The following STARD13 variants were observed in gnomAD, a reference collection of about 807,000 sequenced individuals.
STARD13 encodes StAR related lipid transfer domain containing 13, also known as stAR-related lipid transfer protein 13.
A neutral mutation model predicts 106.4 loss-of-function variants in STARD13; 62 were observed. The ratio of observed to expected loss-of-function variants is 0.58; its 90% CI spans 0.48 to 0.72. The LOEUF (loss-of-function observed/expected upper bound fraction) is 0.72. STARD13 is among the 30% of genes least tolerant of loss of function. The probability of loss-of-function intolerance (pLI) is 0.00; values close to 1 mark genes in which losing one functional copy is unlikely to be tolerated. For missense variants in STARD13, 1,387 were observed against 1,424.0 expected (o/e 0.97, Z 0.42); for synonymous variants, 565 against 553.0 (o/e 1.02, Z -0.31).
Position 33,167,535 on chromosome 13 carries a change from C to A in STARD13, c.241+16G>T, listed in dbSNP as rs76891142. 1,004 of 1,613,470 alleles carry A rather than the reference C, an allele frequency of 6.2e-4. No homozygotes were observed. Among genetic ancestry groups the A allele is most frequent in the Non-Finnish European group, 7.7e-4 (907 of 1,179,538 alleles). On this transcript the variant is annotated intron_variant, in intron 2 of 13. Transcript: ENST00000336934. ...ATTTATTCTCTGTGTAAGAGCGAAG[C>A]GAAGGGCTGACGTACCCTCATATAA...
chr13:33,210,917 C>G (rs987432299), intron 1 of STARD13, among the ~76,000 whole-genome samples: 2 of 152,118 alleles, frequency 1.3e-5, no homozygotes, highest in Non-Finnish European at 2.9e-5. Context: ...TTCTCCATTT[C>G]TTTTGGTCAT....
chr13:33,349,582 C>G (rs371868159), intron 1 of STARD13, among the ~76,000 whole-genome samples: 1 of 152,202 alleles, frequency 6.6e-6, no homozygotes, highest in Non-Finnish European at 1.5e-5. Context: ...TTCTGATCCA[C>G]GCAAGGATTC....
intron 1 of STARD13, among the ~76,000 whole-genome samples, chr13:33,267,953 T>C (rs1890979239): frequency 6.6e-6 from 1 of 152,168 alleles, no homozygotes; most frequent in South Asian, 2.1e-4. Context: ...GGACCATGTA[T>C]TATTAGTTTC....
In STARD13 at chr13:33,127,267, C is replaced by T. The variant is rs1877315316; in HGVS notation, c.1922+106G>A. 2.4e-6 allele frequency: 3 copies of T among 1,258,708 alleles called. No homozygotes were observed. The African/African-American group carries it at 4.6e-5, about 19-fold the overall frequency. The allele number at this position is 1,258,708 out of a possible 1,614,324, so 78.0% of individuals were successfully genotyped here. ...ATGTCCAGGAGATCATCAGTGAAGG[C>T]AATGAATGGGTTTTTCAGATATCAC... On this transcript the variant is annotated intron_variant, in intron 6 of 13. Coordinates refer to ENST00000336934, the MANE Select transcript of STARD13 (RefSeq NM_178006.4).
chr13:33,273,964 A>G (rs1005391907), intron 1 of STARD13: 2 of 152,184 alleles, frequency 1.3e-5, no homozygotes, highest in African/African-American at 4.8e-5. Flanking sequence ...TCAGTATCCT[A>G]TGCTGAAAAC....
chr13:33,146,926 C>G (rs116074274), intron 3 of STARD13, among the ~76,000 whole-genome samples: 29 of 152,278 alleles, frequency 1.9e-4, no homozygotes, highest in African/African-American at 5.8e-4. Context: ...AAACTAGTAG[C>G]CTTGCATCCA....
At chr13:33,152,412 C>T (rs1463413971) in intron 3 of STARD13, among the ~76,000 whole-genome samples, 1 of 113,180 alleles carries the variant, frequency 8.8e-6, no homozygotes, top group Non-Finnish European at 1.9e-5. Context: ...AGGCTTCAGT[C>T]ATACAAAAAA....
the STARD13 span, among the ~76,000 whole-genome samples, chr13:33,490,684 T>G: frequency 1.3e-5 from 2 of 151,058 alleles, no homozygotes; most frequent in African/African-American, 2.4e-5. Flanking sequence ...CAATAAAACC[T>G]CACATTCATC....
downstream of STARD13, among the ~76,000 whole-genome samples, chr13:33,348,389 T>G (rs1334574834): frequency 6.6e-6 from 1 of 152,224 alleles, no homozygotes; most frequent in Admixed American, 6.5e-5. Flanking sequence ...TTGGACAATC[T>G]TAATAGCTTA....
At chr13:33,441,350 T>A in the STARD13 span, among the ~76,000 whole-genome samples, 1 of 152,226 alleles carries the variant, frequency 6.6e-6, no homozygotes, top group Non-Finnish European at 1.5e-5. Flanking sequence ...ATCAATGTGA[T>A]CACTTCAATC....
chr13:33,241,693 G>A (rs947103085), intron 1 of STARD13, among the ~76,000 whole-genome samples: 31 of 152,058 alleles, frequency 2.0e-4, no homozygotes, highest in Admixed American at 6.5e-4. Context: ...GGCGCGCGCC[G>A]CCACGCCTGA....
chr13:33,357,846 G>A, the STARD13 span, among the ~76,000 whole-genome samples: 6 of 152,182 alleles, frequency 3.9e-5, no homozygotes, highest in Non-Finnish European at 7.3e-5. Context: ...GCTTGCTCTC[G>A]GCAACTCCCC....
intron 3 of STARD13, among the ~76,000 whole-genome samples, chr13:33,143,671 A>T (rs2138241269): frequency 6.6e-6 from 1 of 152,260 alleles, no homozygotes; most frequent in South Asian, 2.1e-4. Flanking sequence ...CTCCTGCCTC[A>T]GCCTCCTGAG....
chr13:33,577,838 T>C, the STARD13 span, among the ~76,000 whole-genome samples: 1 of 151,860 alleles, frequency 6.6e-6, no homozygotes, highest in Non-Finnish European at 1.5e-5. Context: ...CAAAGCAAAA[T>C]CCATGAAAGA....
intron 3 of STARD13, among the ~76,000 whole-genome samples, chr13:33,151,615 G>A (rs1948376793): frequency 1.3e-5 from 2 of 152,186 alleles, no homozygotes; most frequent in African/African-American, 4.8e-5. Context: ...ACCATATTGA[G>A]GGATAAGCCT....
the STARD13 span, among the ~76,000 whole-genome samples, chr13:33,424,830 A>G: frequency 1.3e-5 from 2 of 152,114 alleles, no homozygotes; most frequent in Admixed American, 1.3e-4. Flanking sequence ...AGGCAGCTCA[A>G]CTCTAACTTT....
the STARD13 span, among the ~76,000 whole-genome samples, chr13:33,612,129 A>G: frequency 6.6e-6 from 1 of 152,192 alleles, no homozygotes; most frequent in East Asian, 1.9e-4. Context: ...AAAATAACTA[A>G]GATACTGAAC....
At position 33,110,780 on chromosome 13, in the gene STARD13, T is replaced by G. The variant is rs1268590373; in HGVS notation, c.2735A>C (p.His912Pro). 1 of 1,614,220 alleles carries G rather than the reference T, an allele frequency of 6.2e-7. No individual in the cohort carries two copies. The highest frequency in any genetic ancestry group is 1.7e-5 in the Admixed American group (1 of 60,024). Reference protein sequence around the residue: ...SGATFHTYLNHLIQGLQKEAK... With the variant: ...SGATFHTYLNPLIQGLQKEAK... ...TTCTTTCTGGAGGCCCTGGATGAGA[T>G]GGTTCAGGTAAGTGTGGAAAGTTGC... The change falls in exon 11 of 14, where the codon CAT becomes CCT. Residue 912 changes from histidine to proline, a missense_variant. Coordinates refer to ENST00000336934, the MANE Select transcript of STARD13 (RefSeq NM_178006.4).
Position 33,113,924 on chromosome 13 carries a change from C to G in STARD13, c.2282-993G>C, listed in dbSNP as rs981734655. Among the ~76,000 whole-genome samples the G allele has an allele frequency of 6.6e-5, 10 of 152,328 alleles. No homozygotes were observed. The East Asian group carries it at 1.9e-3, about 29-fold the overall frequency. On this transcript the variant is annotated intron_variant, in intron 8 of 13. Coordinates refer to ENST00000336934, the MANE Select transcript of STARD13 (RefSeq NM_178006.4). Reference sequence around the variant, plus strand: ...TGCGAAAGACACCGTCAGGAGCTTGCTTCTGTCAACACTGTTGTCTTTCTT... The same window carrying G: ...TGCGAAAGACACCGTCAGGAGCTTGGTTCTGTCAACACTGTTGTCTTTCTT...
Sources: allele counts gnomAD v4.1 joint callset (sites outside exome capture counted in the v4.1 genomes callset), GRCh38; gene constraint gnomAD v4.1.1; transcripts MANE v1.5; gene names NCBI Gene and HGNC (gene_info 2026-07-23, HGNC 2026-07-21).